DNAJC18: variants seen among roughly 807,000 people sequenced by gnomAD.
DNAJC18 encodes the protein dnaJ homolog subfamily C member 18.
A neutral mutation model predicts 48.6 loss-of-function variants in DNAJC18; 40 were observed. The observed-to-expected ratio is 0.82, with a 90% CI of 0.64 to 1.07. The LOEUF is 1.07. Ranked by LOEUF, DNAJC18 falls within the 50% of genes least tolerant of loss-of-function variation. The probability of loss-of-function intolerance (pLI) is 0.00; values close to 1 mark genes in which losing one functional copy is unlikely to be tolerated. For missense variants in DNAJC18, 340 were observed against 427.7 expected, an observed-to-expected ratio of 0.79 and a Z score of 1.81; for synonymous variants, 135 against 152.2, an observed-to-expected ratio of 0.89 and a Z score of 0.83.
chr5:139,429,949 T>G (rs770162951), intron 2 of DNAJC18, among the ~76,000 whole-genome samples: 2 of 152,186 alleles, frequency 1.3e-5, no homozygotes, highest in Non-Finnish European at 2.9e-5. Flanking sequence ...AAAAAACAAT[T>G]TATCTTGGAG....
chr5:139,419,768 AG>A (rs1279980609), intron 7 of DNAJC18, among the ~76,000 whole-genome samples: 1 of 152,082 alleles, frequency 6.6e-6, no homozygotes, highest in Admixed American at 6.6e-5. Context: ...GGGAGAGGAG[AG>A]GGGGCAGATT....
chr5:139,412,481 G>C lies in DNAJC18; in HGVS notation c.*1667C>G, dbSNP rs1312317846. ...TCACTGTGTTGGCCAGGCTGGTCTTGAACTCCTGACCTCAGGTGATCCACC... is the reference window on the plus strand; with the variant it reads ...TCACTGTGTTGGCCAGGCTGGTCTTCAACTCCTGACCTCAGGTGATCCACC... On this transcript the variant is annotated 3_prime_UTR_variant, in exon 8 of 8. Transcript: ENST00000302060. 2 of 360,252 alleles carry C rather than the reference G, an allele frequency of 5.6e-6. No individual in the cohort carries two copies. The highest frequency in any genetic ancestry group is 9.9e-6 in the Non-Finnish European group (2 of 202,862). The allele number at this position is 360,252 out of a possible 1,614,324, so 22.3% of individuals were successfully genotyped here.
rs770568279 is a variant in DNAJC18, at chr5:139,437,332, T to G, written c.227+40A>C. 10 of 1,556,466 alleles carry G rather than the reference T, an allele frequency of 6.4e-6. No homozygotes were observed. The Admixed American group carries it at 1.6e-4, about 24-fold the overall frequency. ...CACATCCAGGCACTCTTCTAAGCAC[T>G]TTCCATAAAATCACTCATTTAATCT... is the stretch of plus-strand genomic sequence containing the variant. On this transcript the variant is annotated intron_variant, in intron 2 of 7. Transcript: ENST00000302060.
intron 5 of DNAJC18, 24 bp from the exon 6 acceptor site, chr5:139,422,841 A>G: frequency 6.6e-7 from 1 of 1,521,300 alleles, no homozygotes. Flanking sequence ...AAAAATAAAA[A>G]CTTGCTGTAA....
rs575204241 is a variant in DNAJC18 at position 139,420,117 on chromosome 5, C to T, written c.888G>A (p.Glu296=). ...CAATGTAATCCTTCTCTATTGTTTTCTCCAAGTCATGCAGAGAAGCTCCTC... is the reference window on the plus strand; with the variant it reads ...CAATGTAATCCTTCTCTATTGTTTTTTCCAAGTCATGCAGAGAAGCTCCTC... ...AYRGASLHDL[E]KTIEKDYIDY... The change falls in exon 7 of 8, where the codon GAG becomes GAA. Residue 296 remains glutamate (E), a synonymous_variant. Coordinates refer to ENST00000302060, the MANE Select transcript of DNAJC18 (RefSeq NM_152686.4). 2.5e-6 allele frequency: 4 copies of T among 1,608,458 alleles called. No individual in the cohort carries two copies. Among genetic ancestry groups the T allele is most frequent in the Non-Finnish European group, 3.4e-6 (4 of 1,178,404 alleles).
intron 2 of DNAJC18, among the ~76,000 whole-genome samples, chr5:139,429,685 G>A (rs949392430): frequency 1.3e-5 from 2 of 152,176 alleles, no homozygotes; most frequent in African/African-American, 4.8e-5. Flanking sequence ...AGTGCTTTGG[G>A]AGGCTGAGGC....
chr5:139,426,256 G>T lies in DNAJC18; in HGVS notation c.475C>A (p.Pro159Thr). ...TCAAAATCCCTGTAATAATTATAAG[G>T]TCTGGCTCGAGGGGCAGTGAAAGTC... ...QVTFTAPRAR[P>T]YNYYRDFEAD... The change falls in exon 4 of 8, where the codon CCT becomes ACT. Residue 159 changes from proline to threonine, a missense_variant. Transcript: ENST00000302060. 1 of 1,614,208 alleles carries T rather than the reference G, an allele frequency of 6.2e-7. No individual in the cohort carries two copies.
At chr5:139,428,475 A>G (rs973047068) in intron 3 of DNAJC18, 63 bp downstream of exon 3, 1 of 1,564,896 alleles carries the variant, frequency 6.4e-7, no homozygotes, top group African/African-American at 1.4e-5. Flanking sequence ...GGGGAAGGCT[A>G]AAAGCAACTT....
chr5:139,420,140 C>A lies in DNAJC18; in HGVS notation c.865G>T (p.Gly289Ter), dbSNP rs779209737. 1.6e-5 allele frequency: 26 copies of A among 1,610,850 alleles called. No homozygotes were observed. Among genetic ancestry groups the A allele is most frequent in the Non-Finnish European group, 2.1e-5 (25 of 1,179,120 alleles). The change falls in exon 7 of 8, where the codon GGA becomes TGA. Residue 289 changes from glycine to a stop codon, truncating the protein, a stop_gained. Coordinates refer to ENST00000302060, the MANE Select transcript of DNAJC18 (RefSeq NM_152686.4). LOFTEE classifies it high-confidence loss of function. ...TTCTCCAAGTCATGCAGAGAAGCTC[C>A]TCTGTAGGCCTTGTCAAAGTTTTTA... Reference protein sequence around the residue: ...VDKNFDKAYRGASLHDLEKTI... With the variant: ...VDKNFDKAYR
chr5:139,429,237 C>A (rs1285570157), intron 2 of DNAJC18, among the ~76,000 whole-genome samples: 1 of 151,994 alleles, frequency 6.6e-6, no homozygotes, highest in African/African-American at 2.4e-5. Flanking sequence ...GGATGCGCCA[C>A]CAGCCCTGGC....
chr5:139,426,029 G>T, intron 4 of DNAJC18, 143 bp downstream of exon 4: 2 of 910,060 alleles, frequency 2.2e-6, no homozygotes, highest in Non-Finnish European at 3.3e-6. Flanking sequence ...CTGGAGACTT[G>T]CCTCAAACTC....
chr5:139,433,539 G>A (rs1241021004), intron 2 of DNAJC18, among the ~76,000 whole-genome samples: 1 of 151,846 alleles, frequency 6.6e-6, no homozygotes, highest in Non-Finnish European at 1.5e-5. Flanking sequence ...ACAAAGAGAT[G>A]ATTAGCATCA....
At chr5:139,421,241 C>T (rs1433795174) in intron 6 of DNAJC18, among the ~76,000 whole-genome samples, 1 of 151,612 alleles carries the variant, frequency 6.6e-6, no homozygotes, top group African/African-American at 2.4e-5. Flanking sequence ...GGAGGTCAGG[C>T]GTTCGAGACC....
intron 4 of DNAJC18, among the ~76,000 whole-genome samples, chr5:139,425,378 G>T (rs1418779453): frequency 6.6e-6 from 1 of 152,128 alleles, no homozygotes; most frequent in Non-Finnish European, 1.5e-5. Flanking sequence ...TGGCCAGGCT[G>T]GTCTCGAACT....
At position 139,432,346 on chromosome 5, in the gene DNAJC18, G is replaced by A. The variant is rs1759342692; in HGVS notation, c.228-3663C>T. ...CACCCAGCTAATTTTTGTATTTTTA[G>A]TAGAGACGGGGTTTCACCATGTTGG... On this transcript the variant is annotated intron_variant, in intron 2 of 7. Coordinates refer to ENST00000302060, the MANE Select transcript of DNAJC18 (RefSeq NM_152686.4). 3.3e-5 allele frequency among the ~76,000 whole-genome samples: 5 copies of A among 151,766 alleles called. No homozygotes were observed. In the South Asian group the frequency reaches 1.0e-3, roughly 31 times the overall value.
chr5:139,419,825 G>A (rs149638866), intron 7 of DNAJC18, among the ~76,000 whole-genome samples: 1 of 152,308 alleles, frequency 6.6e-6, no homozygotes, highest in East Asian at 1.9e-4. Flanking sequence ...ATACAGACAG[G>A]TGACTAGTGC....
rs1355509547 is a variant in DNAJC18 at position 139,413,072 on chromosome 5, T to A, written c.*1076A>T. On this transcript the variant is annotated 3_prime_UTR_variant, in exon 8 of 8. Transcript: ENST00000302060. ...AGGGATAATACATCTACTTCAGAGT[T>A]GTGAGGAGGTTTAAGTAAGAAAATA... 1 of 396,928 alleles carries A rather than the reference T, an allele frequency of 2.5e-6. No individual in the cohort carries two copies. Among genetic ancestry groups the A allele is most frequent in the Non-Finnish European group, 4.4e-6 (1 of 225,630 alleles). The allele number at this position is 396,928 out of a possible 1,614,324, so 24.6% of individuals were successfully genotyped here. A position where few individuals can be genotyped will look rare whatever the true frequency, so the allele number is the denominator to read the frequency against.
chr5:139,422,742 C>G lies in DNAJC18; in HGVS notation c.745G>C (p.Ala249Pro). Reference sequence around the variant, plus strand: ...AACAGACTATATGGGGGATTAGTAGCCAGCAGCTGAGTAATGACAGATATA... The same window carrying G: ...AACAGACTATATGGGGGATTAGTAGGCAGCAGCTGAGTAATGACAGATATA... The part of the protein sequence containing the change: ...VIISVITQLL[A>P]TNPPYSLFYK... The change falls in exon 6 of 8, where the codon GCT becomes CCT. Residue 249 changes from alanine (A) to proline (P), a missense_variant. Coordinates refer to ENST00000302060, the MANE Select transcript of DNAJC18 (RefSeq NM_152686.4). The G allele has an allele frequency of 1.2e-6, 2 of 1,610,804 alleles. No homozygotes were observed. The highest frequency in any genetic ancestry group is 3.4e-5 in the Admixed American group (2 of 59,418).
intron 6 of DNAJC18, among the ~76,000 whole-genome samples, chr5:139,421,328 A>G (rs62385300): frequency 2.6e-5 from 4 of 152,158 alleles, no homozygotes; most frequent in Non-Finnish European, 5.9e-5. Context: ...ACATGCTTAT[A>G]ATCCCAGCTA....
Sources: allele counts gnomAD v4.1 joint callset (sites outside exome capture counted in the v4.1 genomes callset), GRCh38; gene constraint gnomAD v4.1.1; transcripts MANE v1.5; gene names NCBI Gene and HGNC (gene_info 2026-07-23, HGNC 2026-07-21).